ESRRB: variants seen among roughly 807,000 people sequenced by gnomAD.
ESRRB encodes steroid hormone receptor ERR2.
In ESRRB, 16 loss-of-function variants were observed where a neutral mutation model predicts 46.0. That is an observed-to-expected ratio of 0.35 (90% CI 0.24 to 0.53). The LOEUF is 0.53. Among genes scored for constraint, ESRRB ranks in the 20% least tolerant of loss-of-function variants. The pLI is 0.93. For synonymous variants in ESRRB, 246 were observed against 259.6 expected (o/e 0.95, Z 0.50); for missense variants, 488 against 607.4 (o/e 0.80, Z 2.07).
At position 76,376,182 on chromosome 14, in the gene ESRRB, GC is replaced by G. The variant is rs1884756686; in HGVS notation, c.-217del. 2 of 392,188 alleles carry G rather than the reference GC, an allele frequency of 5.1e-6. No individual in the cohort carries two copies. Among genetic ancestry groups the G allele is most frequent in the Non-Finnish European group, 9.0e-6 (2 of 222,892 alleles). 24.3% of individuals were successfully genotyped at this position (392,188 alleles called of 1,614,324 possible). ...TCCTCCACGGCTTCGCATCCCCTCT[GC>G]CCGCTCTCTCCGGAGCGTGCGGATG... On this transcript the variant is annotated 5_prime_UTR_variant, in exon 1 of 7. Coordinates refer to ENST00000644823, the MANE Select transcript of ESRRB (RefSeq NM_001379180.1). The surrounding 1 kb of genome is among the most constrained non-coding windows in gnomAD (Gnocchi z 4.1).
intron 1 of ESRRB, among the ~76,000 whole-genome samples, chr14:76,345,489 C>T (rs999866071): frequency 2.6e-5 from 4 of 152,056 alleles, no homozygotes; most frequent in African/African-American, 4.8e-5. Flanking sequence ...AACCACAATG[C>T]GATACTATAC....
chr14:76,329,330 G>A (rs1883974625), intron 1 of ESRRB, among the ~76,000 whole-genome samples: 2 of 152,026 alleles, frequency 1.3e-5, no homozygotes, highest in Non-Finnish European at 2.9e-5. Context: ...GCAGTCCCAG[G>A]GCCAGCAGGT....
chr14:76,368,295 G>A (rs1033125512), upstream of ESRRB, among the ~76,000 whole-genome samples: 7 of 151,988 alleles, frequency 4.6e-5, no homozygotes, highest in Non-Finnish European at 7.4e-5. Context: ...CAAAGCAAGT[G>A]CCTCAGAGGT....
At chr14:76,341,358 C>A (rs1884190014) in intron 1 of ESRRB, among the ~76,000 whole-genome samples, 1 of 152,240 alleles carries the variant, frequency 6.6e-6, no homozygotes, top group Non-Finnish European at 1.5e-5. Context: ...TCAGAGATAC[C>A]TCAACATTCA....
chr14:76,425,691 G>A (rs946176955), intron 1 of ESRRB, among the ~76,000 whole-genome samples: 10 of 152,090 alleles, frequency 6.6e-5, no homozygotes, highest in Non-Finnish European at 8.8e-5. Flanking sequence ...GACCCACCAC[G>A]CTGTGTCCTC....
upstream of ESRRB, among the ~76,000 whole-genome samples, chr14:76,373,632 G>A (rs551248092): frequency 2.6e-5 from 4 of 152,180 alleles, no homozygotes; most frequent in Admixed American, 2.0e-4. Flanking sequence ...AGGGTGTCCC[G>A]GCGGCTGGCC....
At chr14:76,475,799 A>C (rs1889559372) in intron 3 of ESRRB, among the ~76,000 whole-genome samples, 2 of 152,200 alleles carry the variant, frequency 1.3e-5, no homozygotes, top group African/African-American at 4.8e-5. Flanking sequence ...GGAACCATCA[A>C]ACTATGTTCT....
chr14:76,461,109 G>A (rs1888839887), intron 2 of ESRRB, among the ~76,000 whole-genome samples: 1 of 152,018 alleles, frequency 6.6e-6, no homozygotes, highest in Non-Finnish European at 1.5e-5. Context: ...GTTAATAAGA[G>A]TCAGCAGGTC....
chr14:76,418,509 G>A (rs1379043431), intron 1 of ESRRB, among the ~76,000 whole-genome samples: 2 of 152,138 alleles, frequency 1.3e-5, no homozygotes, highest in Admixed American at 1.3e-4. Context: ...ATCCCATGCA[G>A]AATCCCACAC....
chr14:76,449,116 G>A (rs993850913), intron 2 of ESRRB, among the ~76,000 whole-genome samples: 45 of 152,144 alleles, frequency 3.0e-4, no homozygotes, highest in African/African-American at 7.5e-4. Flanking sequence ...ATAAGTATAC[G>A]TCCTACACCA....
At chr14:76,417,045 G>A (rs968556445) in intron 1 of ESRRB, among the ~76,000 whole-genome samples, 23 of 152,264 alleles carry the variant, frequency 1.5e-4, no homozygotes, top group Middle Eastern at 3.4e-3. Context: ...GCTGAGACAG[G>A]AGAATCGCTT....
chr14:76,339,025 T>TA (rs938108170), intron 1 of ESRRB, among the ~76,000 whole-genome samples: 7 of 152,186 alleles, frequency 4.6e-5, no homozygotes, highest in African/African-American at 7.2e-5. Context: ...CATGTTTTGA[T>TA]AAAAAAATGA....
intron 1 of ESRRB, among the ~76,000 whole-genome samples, chr14:76,401,586 A>G (rs1343733624): frequency 6.6e-6 from 1 of 152,178 alleles, no homozygotes; most frequent in African/African-American, 2.4e-5. Flanking sequence ...ATAACACTGC[A>G]TTTTTTACAC....
At chr14:76,310,935 C>G (rs1389476165) in intron 1 of ESRRB, 1 of 454,044 alleles carries the variant, frequency 2.2e-6, no homozygotes, top group Non-Finnish European at 4.4e-6. Flanking sequence ...CCCAACTTCT[C>G]CCTTTCTCCT....
At chr14:76,460,442 C>T (rs1401927389) in intron 2 of ESRRB, among the ~76,000 whole-genome samples, 1 of 152,216 alleles carries the variant, frequency 6.6e-6, no homozygotes, top group Non-Finnish European at 1.5e-5. Context: ...GCAGACTATG[C>T]ACACAGTAGG....
At chr14:76,329,201 C>T (rs906194652) in intron 1 of ESRRB, among the ~76,000 whole-genome samples, 5 of 152,144 alleles carry the variant, frequency 3.3e-5, no homozygotes, top group Non-Finnish European at 5.9e-5. Flanking sequence ...AACTTGTCTT[C>T]CCAGGGCCCA....
chr14:76,463,441 C>CTTTGT (rs1888960528), intron 3 of ESRRB: 1 of 110,418 alleles, frequency 9.1e-6, no homozygotes, highest in African/African-American at 4.4e-5. Flanking sequence ...TCACATGCTT[C>CTTTGT]TTTGTTTTTT....
At chr14:76,452,648 C>CAA (rs60560343) in intron 2 of ESRRB, among the ~76,000 whole-genome samples, 25,519 of 124,102 alleles carry the variant, frequency 0.21, 2,380 homozygotes, top group Middle Eastern at 0.25. Flanking sequence ...AAAAACAAAA[C>CAA]AAAACAAAAA....
At chr14:76,491,167 A>T (rs1438880908) in intron 5 of ESRRB, among the ~76,000 whole-genome samples, 2 of 152,208 alleles carry the variant, frequency 1.3e-5, no homozygotes, top group Non-Finnish European at 2.9e-5. Context: ...TTTGGAAAAT[A>T]CCATAGAGCT....
Sources: allele counts gnomAD v4.1 joint callset (sites outside exome capture counted in the v4.1 genomes callset), GRCh38; gene constraint gnomAD v4.1.1; non-coding constraint Gnocchi (gnomAD v3.1); transcripts MANE v1.5; gene names NCBI Gene and HGNC (gene_info 2026-07-23, HGNC 2026-07-21).